SRGAP2: variants seen among roughly 807,000 people sequenced by gnomAD.
SRGAP2 encodes SLIT-ROBO Rho GTPase activating protein 2, also known as SLIT-ROBO Rho GTPase-activating protein 2.
Under a neutral mutation model 57.2 loss-of-function variants are expected in SRGAP2, and 15 were observed. The observed-to-expected ratio is 0.26, with a 90% confidence interval of 0.18 to 0.40. The LOEUF (loss-of-function observed/expected upper bound fraction) is 0.40, where lower values mean the gene tolerates loss of function less well. Among genes scored for constraint, SRGAP2 ranks in the 10% least tolerant of loss-of-function variants. SRGAP2 has a pLI of 1.00. For synonymous variants in SRGAP2, 249 were observed against 248.0 expected, an observed-to-expected ratio of 1.00 and a Z score of -0.04; for missense variants, 520 against 669.6, an observed-to-expected ratio of 0.78 and a Z score of 2.47.
At chr1:206,332,378 C>G (rs1553332159) in intron 3 of SRGAP2, among the ~76,000 whole-genome samples, 1 of 138,376 alleles carries the variant, frequency 7.2e-6, no homozygotes, top group African/African-American at 2.8e-5. Flanking sequence ...TGGGGAAGTT[C>G]TCCTGGATAA....
At chr1:206,456,328 AT>A (rs1663830021) in intron 21 of SRGAP2, among the ~76,000 whole-genome samples, 1 of 151,884 alleles carries the variant, frequency 6.6e-6, no homozygotes, top group Non-Finnish European at 1.5e-5. Flanking sequence ...TTAAAAAAAA[AT>A]TGAGAAGTTT....
chr1:206,364,271 G>T lies in SRGAP2; in HGVS notation c.424-19743G>T, dbSNP rs1335108746. 8.8e-5 allele frequency among the ~76,000 whole-genome samples: 13 copies of T among 148,556 alleles called. 1 individual carries two copies. Among genetic ancestry groups the T allele is most frequent in the African/African-American group, 3.2e-4 (13 of 40,250 alleles). Reference sequence around the variant, plus strand: ...TATCACATTTTTTATAGATTAACAGGCATCTATATAACCTCTGGGTTGCTC... The same window carrying T: ...TATCACATTTTTTATAGATTAACAGTCATCTATATAACCTCTGGGTTGCTC... On this transcript the variant is annotated intron_variant, in intron 4 of 22. Coordinates refer to ENST00000573034, the MANE Select transcript of SRGAP2 (RefSeq NM_015326.5).
chr1:206,419,524 C>T, intron 12 of SRGAP2, 124 bp downstream of exon 12: 1 of 711,574 alleles, frequency 1.4e-6, no homozygotes, highest in South Asian at 1.5e-5. Flanking sequence ...AAGCAATGGC[C>T]TGGGGCGGGG....
chr1:206,454,462 G>A lies in SRGAP2; in HGVS notation c.2361-416G>A. On this transcript the variant is annotated intron_variant, in intron 20 of 22. Coordinates refer to ENST00000573034, the MANE Select transcript of SRGAP2 (RefSeq NM_015326.5). The surrounding 1 kb of genome is among the most constrained non-coding windows in gnomAD (Gnocchi z 4.3). The stretch of plus-strand genomic sequence containing the variant: ...TCCTGCCACGACGCCGCCGTCTCCA[G>A]AGCCACCACACAGTTGACTGTCCTT... 2.1e-6 allele frequency: 1 copy of A among 482,426 alleles called. No homozygotes were observed. Among genetic ancestry groups the A allele is most frequent in the Non-Finnish European group, 3.7e-6 (1 of 271,758 alleles). The allele number at this position is 482,426 out of a possible 1,614,324, so 29.9% of individuals were successfully genotyped here. A position where few individuals can be genotyped will look rare whatever the true frequency, so the allele number is the denominator to read the frequency against.
chr1:206,444,923 C>T lies in SRGAP2; in HGVS notation c.1875-1152C>T, dbSNP rs758078930. ...CCACTCTTCAAGTCCTGCAGTGATT[C>T]GCAAACAGACAGGGGGTACATCTCC... On this transcript the variant is annotated intron_variant, in intron 17 of 22. Transcript: ENST00000573034. Among the ~76,000 whole-genome samples, 3 of 152,150 alleles carry T rather than the reference C, an allele frequency of 2.0e-5. No homozygotes were observed. In the East Asian group the frequency reaches 5.8e-4, roughly 29 times the overall value.
intron 11 of SRGAP2, among the ~76,000 whole-genome samples, chr1:206,418,888 C>CTCTCTCTG (rs1553363092): frequency 7.3e-6 from 1 of 136,566 alleles, no homozygotes; most frequent in Non-Finnish European, 1.6e-5. Flanking sequence ...CCAACTCTCT[C>CTCTCTCTG]TGTGTGTGTG....
intron 3 of SRGAP2, among the ~76,000 whole-genome samples, chr1:206,341,013 G>A (rs1248086113): frequency 2.0e-5 from 3 of 152,190 alleles, no homozygotes; most frequent in African/African-American, 4.8e-5. Flanking sequence ...CCTGGATATA[G>A]GTTTAGAACA....
intron 18 of SRGAP2, among the ~76,000 whole-genome samples, chr1:206,447,145 C>T (rs1553374173): frequency 2.0e-5 from 3 of 152,152 alleles, no homozygotes; most frequent in Non-Finnish European, 4.4e-5. Flanking sequence ...AGACAACTGC[C>T]TCTCTCTTTT....
Position 206,392,630 on chromosome 1 carries a change from G to A in SRGAP2, c.487-59G>A, listed in dbSNP as rs1657095725. The A allele has an allele frequency of 7.0e-6, 5 of 715,688 alleles. No homozygotes were observed. In the Admixed American group the frequency reaches 1.0e-4, roughly 14 times the overall value. The allele number at this position is 715,688 out of a possible 1,614,324, so 44.3% of individuals were successfully genotyped here. ...CCAGCTGAGTCTGTTAGTCTGTAAA[G>A]CAGAGAAATGACCCCCTTGGCTTGA... On this transcript the variant is annotated intron_variant, in intron 5 of 22. Transcript: ENST00000573034.
intron 3 of SRGAP2, among the ~76,000 whole-genome samples, chr1:206,331,616 G>A (rs1674360758): frequency 7.0e-6 from 1 of 141,886 alleles, no homozygotes; most frequent in Non-Finnish European, 1.5e-5. Flanking sequence ...TTTTATCAGA[G>A]ACTAGGATTG....
chr1:206,435,845 T>C (rs1223960067), intron 14 of SRGAP2, among the ~76,000 whole-genome samples: 2 of 152,264 alleles, frequency 1.3e-5, no homozygotes, highest in Non-Finnish European at 2.9e-5. Context: ...CAGCAGTCAC[T>C]ATGCCAGCAT....
intron 2 of SRGAP2, among the ~76,000 whole-genome samples, chr1:206,221,468 G>A (rs1297218899): frequency 2.6e-5 from 4 of 151,948 alleles, no homozygotes; most frequent in Non-Finnish European, 5.9e-5. Context: ...TTGCTGATGC[G>A]AACTCTCCAC....
chr1:206,304,915 C>T (rs1373761842), intron 3 of SRGAP2, among the ~76,000 whole-genome samples: 1 of 148,960 alleles, frequency 6.7e-6, no homozygotes, highest in Admixed American at 6.7e-5. Flanking sequence ...TGTGCACCAT[C>T]ATACCCAGCT....
At chr1:206,415,258 T>C (rs748757615) in intron 10 of SRGAP2, among the ~76,000 whole-genome samples, 38 of 152,360 alleles carry the variant, frequency 2.5e-4, no homozygotes, top group South Asian at 6.2e-4. Context: ...TGGGATCACA[T>C]TTCCAAAACT....
intron 2 of SRGAP2, among the ~76,000 whole-genome samples, chr1:206,297,380 C>T (rs2102736930): frequency 2.2e-5 from 1 of 45,456 alleles, no homozygotes; most frequent in Admixed American, 2.1e-4. Flanking sequence ...GATAAGAAGT[C>T]TTGGTAAGAG....
At chr1:206,250,267 G>A (rs1668757687) in intron 2 of SRGAP2, among the ~76,000 whole-genome samples, 1 of 151,900 alleles carries the variant, frequency 6.6e-6, no homozygotes, top group Non-Finnish European at 1.5e-5. Context: ...GAGAAAGTAA[G>A]TGAATTACTC....
intron 11 of SRGAP2, among the ~76,000 whole-genome samples, chr1:206,418,994 A>T (rs1468499655): frequency 6.6e-6 from 1 of 151,768 alleles, no homozygotes; most frequent in Admixed American, 6.6e-5. Flanking sequence ...ATCCAACATA[A>T]GAGAAGCTGA....
At position 206,331,464 on chromosome 1, in the gene SRGAP2, A is replaced by G. The variant is rs1396959674; in HGVS notation, c.261-11382A>G. 4.0e-4 allele frequency among the ~76,000 whole-genome samples: 51 copies of G among 126,256 alleles called. 1 individual carries two copies. The South Asian group carries it at 0.015, about 36-fold the overall frequency. The allele number at this position is 126,256 out of a possible 152,430, so 82.8% of individuals were successfully genotyped here. A position where few individuals can be genotyped will look rare whatever the true frequency, so the allele number is the denominator to read the frequency against. ...GTCTAAGTCTCTTTGTAGGTCACTC[A>G]GGACTTGCTTTATGAATCTGGGTGC... On this transcript the variant is annotated intron_variant, in intron 3 of 22. Transcript: ENST00000573034.
Position 206,454,084 on chromosome 1 carries a change from C to G in SRGAP2, c.2360+704C>G, listed in dbSNP as rs552004044. ...TGCCCTGTCTCTGTCCCCAGCTCCC[C>G]TCCCTTGGATACGATGCTGTCAGTG... On this transcript the variant is annotated intron_variant, in intron 20 of 22. Coordinates refer to ENST00000573034, the MANE Select transcript of SRGAP2 (RefSeq NM_015326.5). This position sits in a 1 kb window ranked among gnomAD's most constrained non-coding sequence, Gnocchi z 4.3. 1.3e-5 allele frequency: 9 copies of G among 702,282 alleles called. No homozygotes were observed. The African/African-American group carries it at 1.4e-4, about 11-fold the overall frequency. The allele number at this position is 702,282 out of a possible 1,614,324, so 43.5% of individuals were successfully genotyped here.
Sources: allele counts gnomAD v4.1 joint callset (sites outside exome capture counted in the v4.1 genomes callset), GRCh38; gene constraint gnomAD v4.1.1; non-coding constraint Gnocchi (gnomAD v3.1); transcripts MANE v1.5; gene names NCBI Gene and HGNC (gene_info 2026-07-23, HGNC 2026-07-21).